Variants in SHISA9 observed in about 807,000 individuals in gnomAD.
The protein encoded by SHISA9 is protein shisa-9.
SHISA9 carries 13 observed loss-of-function variants against 38.0 expected under a neutral mutation model. The observed-to-expected ratio is 0.34, with a 90% CI of 0.22 to 0.54. The LOEUF is 0.54. Ranked by LOEUF, SHISA9 falls within the 20% of genes least tolerant of loss-of-function variation. The probability of loss-of-function intolerance (pLI) is 0.91; values close to 1 mark genes in which losing one functional copy is unlikely to be tolerated. For missense variants in SHISA9, 538 were observed against 575.8 expected (o/e 0.93, Z 0.67); for synonymous variants, 275 against 242.0 (o/e 1.14, Z -1.27).
the SHISA9 span, among the ~76,000 whole-genome samples, chr16:13,388,995 T>G: frequency 6.6e-6 from 1 of 152,132 alleles, no homozygotes; most frequent in Non-Finnish European, 1.5e-5. Context: ...ATACCCTCTG[T>G]CCTATACACG....
the SHISA9 span, among the ~76,000 whole-genome samples, chr16:13,260,929 C>G: frequency 2.0e-5 from 3 of 151,864 alleles, no homozygotes; most frequent in Non-Finnish European, 4.4e-5. Flanking sequence ...TGGCAGGAGG[C>G]GAAAGGCACT....
At chr16:13,401,127 C>A in the SHISA9 span, among the ~76,000 whole-genome samples, 2 of 152,104 alleles carry the variant, frequency 1.3e-5, no homozygotes, top group Admixed American at 1.3e-4. Flanking sequence ...ACAGAATCTC[C>A]CAAGGATTAA....
chr16:13,302,719 C>G, the SHISA9 span, among the ~76,000 whole-genome samples: 1 of 152,178 alleles, frequency 6.6e-6, no homozygotes, highest in Non-Finnish European at 1.5e-5. Flanking sequence ...CATGCGAGTA[C>G]GACTGATACA....
At chr16:13,288,240 G>A in the SHISA9 span, among the ~76,000 whole-genome samples, 1 of 152,186 alleles carries the variant, frequency 6.6e-6, no homozygotes, top group Admixed American at 6.5e-5. Context: ...AGCTTAGTCT[G>A]CCATAACAAA....
chr16:13,179,077 T>C (rs2050756073), intron 2 of SHISA9, among the ~76,000 whole-genome samples: 1 of 152,188 alleles, frequency 6.6e-6, no homozygotes, highest in Admixed American at 6.5e-5. Flanking sequence ...TCCCAGCATT[T>C]TGGGAGGCCG....
chr16:13,514,966 G>T, the SHISA9 span, among the ~76,000 whole-genome samples: 1 of 152,104 alleles, frequency 6.6e-6, no homozygotes, highest in Non-Finnish European at 1.5e-5. Context: ...TGATGATCAG[G>T]TATGGGGAAA....
intron 2 of SHISA9, among the ~76,000 whole-genome samples, chr16:12,987,843 A>G (rs2072333120): frequency 6.6e-6 from 1 of 152,238 alleles, no homozygotes; most frequent in Non-Finnish European, 1.5e-5. Context: ...TGTGTAATAT[A>G]GATTCAGCTG....
At position 13,239,833 on chromosome 16, in the gene SHISA9, G is replaced by T. The variant is rs1220496109; in HGVS notation, c.*4424G>T. 1 of 152,140 alleles carries T rather than the reference G, an allele frequency of 6.6e-6. No individual in the cohort carries two copies. Among genetic ancestry groups the T allele is most frequent in the Non-Finnish European group, 1.5e-5 (1 of 68,032 alleles). 9.4% of individuals were successfully genotyped at this position (152,140 alleles called of 1,614,324 possible). Reference sequence around the variant, plus strand: ...TCTTTTGCTGTGCAGAAGCTCTTTAGTTTAATTAGATCCCATTTGTCAATT... The same window carrying T: ...TCTTTTGCTGTGCAGAAGCTCTTTATTTTAATTAGATCCCATTTGTCAATT... On this transcript the variant is annotated 3_prime_UTR_variant, in exon 5 of 5. Transcript: ENST00000558583.
intron 2 of SHISA9, among the ~76,000 whole-genome samples, chr16:13,075,188 G>C (rs571266555): frequency 5.9e-5 from 9 of 152,164 alleles, no homozygotes; most frequent in South Asian, 4.1e-4. Context: ...TGGGAGGTAG[G>C]ACCACTGTGG....
the SHISA9 span, among the ~76,000 whole-genome samples, chr16:13,394,268 C>G: frequency 1.3e-5 from 2 of 152,188 alleles, no homozygotes; most frequent in African/African-American, 2.4e-5. Flanking sequence ...AGAGATACAG[C>G]CCCTCTACAA....
chr16:13,293,412 C>T, the SHISA9 span, among the ~76,000 whole-genome samples: 6 of 152,170 alleles, frequency 3.9e-5, no homozygotes, highest in South Asian at 4.1e-4. Context: ...GTGGCAGAAT[C>T]GTGCAGTGGT....
At chr16:13,298,755 T>A in the SHISA9 span, among the ~76,000 whole-genome samples, 1 of 151,934 alleles carries the variant, frequency 6.6e-6, no homozygotes, top group Admixed American at 6.5e-5. Context: ...TTTGGAAGAG[T>A]TTATTCTGTT....
In SHISA9 at chr16:13,003,886, T is replaced by TAAGAAG. The variant is rs758652679; in HGVS notation, c.691+87073_691+87074insGAAGAA. On this transcript the variant is annotated intron_variant, in intron 2 of 4. Transcript: ENST00000558583. ...ATAATAATAATAATAATAATAATAA[T>TAAGAAG]AATAAGAAGAAGAAGAAGAAGAAGT... 4.2e-3 allele frequency among the ~76,000 whole-genome samples: 616 copies of TAAGAAG among 146,080 alleles called. 2 individuals are homozygous for TAAGAAG. Among genetic ancestry groups the TAAGAAG allele is most frequent in the Middle Eastern group, 7.3e-3 (2 of 274 alleles).
At chr16:13,450,928 C>G in the SHISA9 span, among the ~76,000 whole-genome samples, 1 of 151,896 alleles carries the variant, frequency 6.6e-6, no homozygotes, top group Non-Finnish European at 1.5e-5. Context: ...GAACTGTGAC[C>G]GATGCTATCA....
intron 2 of SHISA9, among the ~76,000 whole-genome samples, chr16:13,115,540 T>C (rs2074023533): frequency 6.6e-6 from 1 of 152,232 alleles, no homozygotes; most frequent in Admixed American, 6.5e-5. Flanking sequence ...CAGGTGTTCC[T>C]TGCCCTCATT....
At chr16:12,956,623 A>G (rs2071838534) in intron 2 of SHISA9, among the ~76,000 whole-genome samples, 1 of 152,184 alleles carries the variant, frequency 6.6e-6, no homozygotes, top group Non-Finnish European at 1.5e-5. Flanking sequence ...TTAACTCAGA[A>G]ACGGAAAATC....
At chr16:13,499,780 A>T in the SHISA9 span, among the ~76,000 whole-genome samples, 9 of 152,166 alleles carry the variant, frequency 5.9e-5, no homozygotes, top group African/African-American at 2.2e-4. Context: ...TTATTCTGAG[A>T]CAATTCAGCA....
intron 2 of SHISA9, among the ~76,000 whole-genome samples, chr16:13,143,367 G>A (rs941563089): frequency 4.6e-5 from 7 of 152,020 alleles, no homozygotes; most frequent in African/African-American, 1.7e-4. Context: ...TAACACCACG[G>A]TGTACCAAGG....
At chr16:13,442,200 G>A in the SHISA9 span, among the ~76,000 whole-genome samples, 3 of 152,154 alleles carry the variant, frequency 2.0e-5, no homozygotes, top group Non-Finnish European at 2.9e-5. Flanking sequence ...TGCTTGTTTT[G>A]GTTTGGTAAA....
Sources: gnomAD v4.1 joint callset for allele counts (sites outside exome capture counted in the v4.1 genomes callset) on GRCh38, gnomAD v4.1.1 for gene constraint, MANE v1.5 for transcripts, NCBI Gene and HGNC (gene_info 2026-07-23, HGNC 2026-07-21) for gene names.